LGSN: variants seen among roughly 807,000 people sequenced by gnomAD.
LGSN encodes lengsin.
In LGSN, 21 loss-of-function variants were observed where a neutral mutation model predicts 19.5. The observed-to-expected ratio is 1.07, with a 90% CI of 0.76 to 1.55. The LOEUF (loss-of-function observed/expected upper bound fraction) is 1.55, where lower values mean the gene tolerates loss of function less well. LGSN is among the 40% of genes most tolerant of loss of function. The probability of loss-of-function intolerance (pLI) is 0.00; values close to 1 mark genes in which losing one functional copy is unlikely to be tolerated. For missense variants in LGSN, 673 were observed against 608.5 expected, an observed-to-expected ratio of 1.11 and a Z score of -1.12; for synonymous variants, 257 against 215.6, an observed-to-expected ratio of 1.19 and a Z score of -1.68.
intron 2 of LGSN, among the ~76,000 whole-genome samples, chr6:63,286,998 A>G (rs970168698): frequency 2.0e-5 from 3 of 152,232 alleles, no homozygotes; most frequent in Non-Finnish European, 4.4e-5. Flanking sequence ...CCAAACACCC[A>G]TCAATCTCTC....
At chr6:63,460,203 C>T in the LGSN span, among the ~76,000 whole-genome samples, 1 of 143,138 alleles carries the variant, frequency 7.0e-6, no homozygotes, top group Non-Finnish European at 1.5e-5. Context: ...CGTGATTCAC[C>T]TGCCTCAGCC....
the LGSN span, among the ~76,000 whole-genome samples, chr6:63,423,951 A>C: frequency 2.5e-3 from 382 of 152,232 alleles, 2 homozygotes; most frequent in African/African-American, 9.0e-3. Context: ...GAGGCAGGAG[A>C]ATCACTTGAA....
At chr6:63,442,025 T>A in the LGSN span, 1 of 166,778 alleles carries the variant, frequency 6.0e-6, no homozygotes, top group Non-Finnish European at 1.3e-5. Flanking sequence ...AGTTTCTTCC[T>A]TCTGGTGGGT....
intron 2 of LGSN, among the ~76,000 whole-genome samples, chr6:63,288,979 A>C (rs1767661961): frequency 1.3e-5 from 2 of 152,202 alleles, no homozygotes; most frequent in African/African-American, 4.8e-5. Context: ...AACACATAAC[A>C]GTGTATCATT....
the LGSN span, chr6:63,441,436 G>A: frequency 1.1e-5 from 5 of 452,782 alleles, no homozygotes; most frequent in South Asian, 1.9e-5. Context: ...TCTGGATCCC[G>A]GCCTGGCCAA....
the LGSN span, among the ~76,000 whole-genome samples, chr6:63,540,777 A>G: frequency 1.3e-4 from 19 of 151,906 alleles, no homozygotes; most frequent in Admixed American, 1.2e-3. Context: ...GAGACGTAGA[A>G]ATAGCAAATA....
the LGSN span, among the ~76,000 whole-genome samples, chr6:63,378,224 C>T: frequency 1.3e-5 from 2 of 152,042 alleles, no homozygotes; most frequent in Admixed American, 6.6e-5. Context: ...ATCTCATATC[C>T]GCAACAATAG....
At position 63,278,433 on chromosome 6, in the gene LGSN, T is replaced by C. The variant is rs1406586025; in HGVS notation, c.*1588A>G. The stretch of plus-strand genomic sequence containing the variant: ...CTACACTATCTTTCTCTCTACCCCA[T>C]ATGCATCCATGAATTTTATTCTTCT... On this transcript the variant is annotated 3_prime_UTR_variant, in exon 4 of 4. Transcript: ENST00000370657. The C allele has an allele frequency of 2.6e-5, 4 of 152,062 alleles. No individual in the cohort carries two copies. The highest frequency in any genetic ancestry group is 9.7e-5 in the African/African-American group (4 of 41,394). 9.4% of individuals were successfully genotyped at this position (152,062 alleles called of 1,614,324 possible).
chr6:63,545,975 A>G, the LGSN span, among the ~76,000 whole-genome samples: 1 of 152,226 alleles, frequency 6.6e-6, no homozygotes, highest in East Asian at 1.9e-4. Flanking sequence ...AGAGTTTTAA[A>G]AATATTAAAA....
At chr6:63,298,773 T>G (rs1316676739) in intron 1 of LGSN, among the ~76,000 whole-genome samples, 1 of 152,178 alleles carries the variant, frequency 6.6e-6, no homozygotes, top group African/African-American at 2.4e-5. Context: ...CACCACACTT[T>G]AAGAACTGCA....
intron 1 of LGSN, among the ~76,000 whole-genome samples, chr6:63,305,989 C>A: frequency 6.6e-6 from 1 of 152,106 alleles, no homozygotes; most frequent in East Asian, 1.9e-4. Flanking sequence ...ATCGCTTAAA[C>A]CCAGGAGGTG....
At chr6:63,485,975 C>A in the LGSN span, among the ~76,000 whole-genome samples, 1 of 152,138 alleles carries the variant, frequency 6.6e-6, no homozygotes, top group African/African-American at 2.4e-5. Flanking sequence ...GGTGATCCAC[C>A]TGTTTCAGCC....
At chr6:63,319,039 C>T (rs1474758633) in intron 1 of LGSN, among the ~76,000 whole-genome samples, 1 of 152,174 alleles carries the variant, frequency 6.6e-6, no homozygotes, top group Non-Finnish European at 1.5e-5. Context: ...GCCTTCTTCA[C>T]ATAGCCTTGC....
the LGSN span, among the ~76,000 whole-genome samples, chr6:63,407,480 C>T: frequency 2.7e-4 from 41 of 152,238 alleles, no homozygotes; most frequent in South Asian, 5.8e-3. Context: ...AATTCAACAG[C>T]GCTTCATGCT....
At chr6:63,386,399 TTAC>T in the LGSN span, among the ~76,000 whole-genome samples, 1 of 152,076 alleles carries the variant, frequency 6.6e-6, no homozygotes, top group Admixed American at 6.6e-5. Flanking sequence ...AATTTTTATT[TTAC>T]TATTATTATT....
the LGSN span, among the ~76,000 whole-genome samples, chr6:63,383,427 C>A: frequency 1.3e-5 from 2 of 151,654 alleles, no homozygotes; most frequent in Admixed American, 1.3e-4. Flanking sequence ...CATACACAGA[C>A]CCAGGGGATC....
chr6:63,359,860 G>T, the LGSN span, among the ~76,000 whole-genome samples: 1 of 151,312 alleles, frequency 6.6e-6, no homozygotes, highest in African/African-American at 2.4e-5. Flanking sequence ...CTGGCCTGGT[G>T]GTGACAAAAT....
chr6:63,281,173 C>T lies in LGSN; in HGVS notation c.378G>A (p.Val126=), dbSNP rs1268006846. 1 of 1,613,080 alleles carries T rather than the reference C, an allele frequency of 6.2e-7. No homozygotes were observed. Among genetic ancestry groups the T allele is most frequent in the Non-Finnish European group, 8.5e-7 (1 of 1,179,590 alleles). The change falls in exon 4 of 4, where the codon GTG becomes GTA. Residue 126 remains valine (V), a synonymous_variant. Transcript: ENST00000370657. ...TTTCATTGTCCTTTGGATTTGGTAT[C>T]ACTTCAAGATAACCTCGGGGCATGC... ...GVCMPRGYLE[V]IPNPKDNEMN... is the part of the protein sequence containing the mutation.
chr6:63,500,522 A>C, the LGSN span, among the ~76,000 whole-genome samples: 1 of 152,002 alleles, frequency 6.6e-6, no homozygotes, highest in Non-Finnish European at 1.5e-5. Flanking sequence ...CCTGGGTTCA[A>C]GTGATTCTCC....
Sources: gnomAD v4.1 joint callset for allele counts (sites outside exome capture counted in the v4.1 genomes callset) on GRCh38, gnomAD v4.1.1 for gene constraint, MANE v1.5 for transcripts, NCBI Gene and HGNC (gene_info 2026-07-23, HGNC 2026-07-21) for gene names.